RUFY3: variants seen among roughly 807,000 people sequenced by gnomAD.
The protein encoded by RUFY3 is RUN and FYVE domain containing 3.
RUFY3 carries 34 observed loss-of-function variants against 84.0 expected under a neutral mutation model. The observed-to-expected ratio is 0.40, with a 90% confidence interval of 0.31 to 0.54. The LOEUF (loss-of-function observed/expected upper bound fraction) is 0.54. Among genes scored for constraint, RUFY3 ranks in the 20% least tolerant of loss-of-function variants. The probability of loss-of-function intolerance (pLI) is 0.39; values close to 1 mark genes in which losing one functional copy is unlikely to be tolerated. For missense variants in RUFY3, 507 were observed against 736.8 expected (o/e 0.69, Z 3.61); for synonymous variants, 242 against 252.9 (o/e 0.96, Z 0.41).
chr4:70,778,504 T>C (rs1728338950), intron 8 of RUFY3, 66 bp downstream of exon 8: 1 of 848,052 alleles, frequency 1.2e-6, no homozygotes, highest in Non-Finnish European at 2.0e-6. Context: ...CCAATAATTT[T>C]AATGTAACCT....
chr4:70,792,003 A>C lies in RUFY3; in HGVS notation c.1338-1782A>C, dbSNP rs1393242577. 3.0e-6 allele frequency: 3 copies of C among 984,900 alleles called. No homozygotes were observed. The African/African-American group carries it at 5.2e-5, about 17-fold the overall frequency. 61.0% of individuals were successfully genotyped at this position (984,900 alleles called of 1,614,324 possible). ...TTAGGTAACCTATGATAACATAATA[A>C]TGTGGACGCCTGGGGAAACCCTCCT... is the stretch of plus-strand genomic sequence containing the variant. On this transcript the variant is annotated intron_variant, in intron 12 of 17. Coordinates refer to ENST00000381006, the MANE Select transcript of RUFY3 (RefSeq NM_001037442.4).
chr4:70,709,155 A>C (rs1740690056), intron 1 of RUFY3, among the ~76,000 whole-genome samples: 1 of 152,252 alleles, frequency 6.6e-6, no homozygotes, highest in African/African-American at 2.4e-5. Context: ...TATCCATGAA[A>C]TCAATCTGCT....
At chr4:70,789,432 C>T (rs930091594) in intron 11 of RUFY3, 63 bp from the exon 12 acceptor site, 12 of 1,376,478 alleles carry the variant, frequency 8.7e-6, no homozygotes, top group Non-Finnish European at 1.2e-5. Context: ...ATTCAAAAGG[C>T]ATGTGTGGTT....
At chr4:70,745,418 T>C (rs1722041215) in intron 1 of RUFY3, among the ~76,000 whole-genome samples, 1 of 152,214 alleles carries the variant, frequency 6.6e-6, no homozygotes, top group Non-Finnish European at 1.5e-5. Flanking sequence ...TGAAACTCAC[T>C]AGGGAAATTA....
chr4:70,784,489 GA>G (rs934334783), intron 9 of RUFY3, among the ~76,000 whole-genome samples: 118 of 135,616 alleles, frequency 8.7e-4, no homozygotes, highest in African/African-American at 2.1e-3. Context: ...TCTCAAAAAA[GA>G]AAAAAAAAAA....
chr4:70,716,609 C>T (rs941815959), intron 1 of RUFY3, among the ~76,000 whole-genome samples: 2 of 151,776 alleles, frequency 1.3e-5, no homozygotes, highest in Non-Finnish European at 2.9e-5. Flanking sequence ...TTTAGGAGGC[C>T]GAGATGGGCA....
At chr4:70,717,398 T>C (rs1455868672), upstream of RUFY3, among the ~76,000 whole-genome samples, 2 of 152,180 alleles carry the variant, frequency 1.3e-5, no homozygotes, top group South Asian at 4.1e-4. Context: ...TACTGGGTTC[T>C]CAGTTTGTCA....
intron 1 of RUFY3, among the ~76,000 whole-genome samples, chr4:70,751,079 C>G (rs1279742003): frequency 6.6e-6 from 1 of 152,002 alleles, no homozygotes; most frequent in African/African-American, 2.4e-5. Flanking sequence ...ATAATTTCAG[C>G]TCTTGTTTTA....
At chr4:70,730,823 A>G (rs576066424) in intron 1 of RUFY3, among the ~76,000 whole-genome samples, 4 of 152,322 alleles carry the variant, frequency 2.6e-5, no homozygotes, top group African/African-American at 4.8e-5. Flanking sequence ...CAGACTACCA[A>G]TGGTTCAACC....
At chr4:70,727,662 C>T (rs1718498921) in intron 1 of RUFY3, among the ~76,000 whole-genome samples, 1 of 150,926 alleles carries the variant, frequency 6.6e-6, no homozygotes, top group African/African-American at 2.4e-5. Context: ...TGGCGGGTGC[C>T]TGTAATCCCA....
intron 1 of RUFY3, among the ~76,000 whole-genome samples, chr4:70,725,300 A>G (rs1367168769): frequency 2.0e-5 from 3 of 152,056 alleles, no homozygotes; most frequent in Non-Finnish European, 2.9e-5. Flanking sequence ...TTGGTGGTCA[A>G]TGAGGGATTA....
intron 5 of RUFY3, among the ~76,000 whole-genome samples, chr4:70,770,823 T>C (rs533926530): frequency 5.9e-5 from 9 of 152,306 alleles, no homozygotes; most frequent in African/African-American, 2.2e-4. Context: ...CCTTCTTCAC[T>C]GAGCTTAATT....
rs112172317 is a variant in RUFY3 at position 70,792,172 on chromosome 4, T to A, written c.1338-1613T>A. The A allele has an allele frequency of 1.4e-3, 1,403 of 985,420 alleles. 16 individuals are homozygous for A. The African/African-American group carries it at 0.022, about 16-fold the overall frequency. 61.0% of individuals were successfully genotyped at this position (985,420 alleles called of 1,614,324 possible). A position where few individuals can be genotyped will look rare whatever the true frequency, so the allele number is the denominator to read the frequency against. ...ACCCATTTTTCGTATCCTGCTTTTC[T>A]TATATTGGAGTAAAAAGGACAGGGT... is the stretch of plus-strand genomic sequence containing the variant. On this transcript the variant is annotated intron_variant, in intron 12 of 17. Transcript: ENST00000381006.
chr4:70,748,495 A>G (rs775322239), intron 1 of RUFY3, among the ~76,000 whole-genome samples: 4 of 152,348 alleles, frequency 2.6e-5, no homozygotes, highest in Admixed American at 6.5e-5. Context: ...AGTTAAACTA[A>G]GGACAGTGGT....
intron 1 of RUFY3, among the ~76,000 whole-genome samples, chr4:70,732,926 G>A (rs894217192): frequency 2.0e-5 from 3 of 152,002 alleles, no homozygotes; most frequent in African/African-American, 7.3e-5. Flanking sequence ...AAAAAGCCAG[G>A]TGCAGTGGCG....
intron 1 of RUFY3, among the ~76,000 whole-genome samples, chr4:70,739,828 T>TAAAA (rs572519160): frequency 1.0e-5 from 1 of 98,054 alleles, no homozygotes; most frequent in Admixed American, 1.1e-4. Flanking sequence ...ACTTAAAGTA[T>TAAAA]AAAAAAAAAA....
At chr4:70,803,231 G>A in intron 16 of RUFY3, 2 of 379,984 alleles carry the variant, frequency 5.3e-6, no homozygotes, top group South Asian at 2.1e-4. Flanking sequence ...ATCTAGGAGA[G>A]CTCACTTTAT....
chr4:70,710,404 CTCACGCCT>C (rs138534433), intron 1 of RUFY3, among the ~76,000 whole-genome samples: 7,401 of 152,250 alleles, frequency 0.049, 365 homozygotes, highest in East Asian at 0.22. Context: ...GGTGCGGTGG[CTCACGCCT>C]GTAATCCCAT....
At chr4:70,755,723 G>A (rs371428823) in intron 1 of RUFY3, among the ~76,000 whole-genome samples, 7 of 152,066 alleles carry the variant, frequency 4.6e-5, no homozygotes, top group Non-Finnish European at 8.8e-5. Context: ...ACACTGAGGC[G>A]GGCGGATCAC....
Sources: allele counts gnomAD v4.1 joint callset (sites outside exome capture counted in the v4.1 genomes callset), GRCh38; gene constraint gnomAD v4.1.1; transcripts MANE v1.5; gene names NCBI Gene and HGNC (gene_info 2026-07-23, HGNC 2026-07-21).